The following LHFPL3 variants were observed in gnomAD, a reference collection of about 807,000 sequenced individuals.
LHFPL3 encodes the protein LHFPL tetraspan subfamily member 3 protein.
A neutral mutation model predicts 19.3 loss-of-function variants in LHFPL3; 5 were observed. The observed-to-expected ratio is 0.26, with a 90% CI of 0.14 to 0.54. The LOEUF (loss-of-function observed/expected upper bound fraction) is 0.54, where lower values mean the gene tolerates loss of function less well. Ranked by LOEUF, LHFPL3 falls within the 20% of genes least tolerant of loss-of-function variation. The pLI is 0.94. For synonymous variants in LHFPL3, 133 were observed against 126.2 expected (o/e 1.05, Z -0.36); for missense variants, 249 against 307.4 (o/e 0.81, Z 1.42).
chr7:104,788,685 T>A (rs1003631487), intron 2 of LHFPL3, among the ~76,000 whole-genome samples: 8 of 152,156 alleles, frequency 5.3e-5, no homozygotes, highest in Admixed American at 5.2e-4. Flanking sequence ...GCTGTGAGAA[T>A]TGCTGGAGTC....
Position 104,825,675 on chromosome 7 carries a change from A to C in LHFPL3, c.683-80512A>C, listed in dbSNP as rs536870179. ...TAATGGTAGCAGTTCAGCACTAGAAAGGGGACTTCATTGCATCAAGGATGT... is the reference window on the plus strand; with the variant it reads ...TAATGGTAGCAGTTCAGCACTAGAACGGGGACTTCATTGCATCAAGGATGT... On this transcript the variant is annotated intron_variant, in intron 2 of 2. Coordinates refer to ENST00000424859, the MANE Select transcript of LHFPL3 (RefSeq NM_199000.3). Among the ~76,000 whole-genome samples, 4 of 152,070 alleles carry C rather than the reference A, an allele frequency of 2.6e-5. No homozygotes were observed. The South Asian group carries it at 8.3e-4, about 32-fold the overall frequency.
At chr7:104,353,376 C>A (rs1342402834) in intron 1 of LHFPL3, among the ~76,000 whole-genome samples, 2 of 152,130 alleles carry the variant, frequency 1.3e-5, no homozygotes, top group African/African-American at 4.8e-5. Flanking sequence ...CAAGGGACCA[C>A]AGTTTTCTCA....
chr7:104,609,389 G>A (rs75917047), intron 1 of LHFPL3, among the ~76,000 whole-genome samples: 4,103 of 152,240 alleles, frequency 0.027, 192 homozygotes, highest in African/African-American at 0.094. Context: ...TCTCCTGAAA[G>A]TAGAAAACTT....
chr7:104,618,983 G>A (rs10225413), intron 1 of LHFPL3, among the ~76,000 whole-genome samples: 1 of 152,174 alleles, frequency 6.6e-6, no homozygotes, highest in African/African-American at 2.4e-5. Flanking sequence ...TATCCCCTAC[G>A]TACTAACTGT....
rs368412593 is a variant in LHFPL3, at chr7:104,652,773, G to A, written c.446-83902G>A. Among the ~76,000 whole-genome samples the A allele has an allele frequency of 5.3e-5, 8 of 152,112 alleles. No individual in the cohort carries two copies. The East Asian group carries it at 7.7e-4, about 15-fold the overall frequency. ...AAGGCAGGAAAAACAGATTTTACTC[G>A]GTAACTACTATAGTAGGGAAGAGCG... On this transcript the variant is annotated intron_variant, in intron 1 of 2. Coordinates refer to ENST00000424859, the MANE Select transcript of LHFPL3 (RefSeq NM_199000.3).
intron 1 of LHFPL3, among the ~76,000 whole-genome samples, chr7:104,418,473 A>G (rs929982031): frequency 2.6e-5 from 4 of 152,170 alleles, no homozygotes; most frequent in Non-Finnish European, 4.4e-5. Flanking sequence ...TTGAGGCTGC[A>G]GCAAGCTATG....
intron 1 of LHFPL3, among the ~76,000 whole-genome samples, chr7:104,704,428 A>G (rs1240074904): frequency 6.6e-6 from 1 of 152,036 alleles, no homozygotes; most frequent in Non-Finnish European, 1.5e-5. Flanking sequence ...TTAACCATAC[A>G]TTTTACAGGA....
intron 2 of LHFPL3, among the ~76,000 whole-genome samples, chr7:104,754,235 G>T (rs539428383): frequency 1.3e-5 from 2 of 152,254 alleles, no homozygotes; most frequent in African/African-American, 4.8e-5. Flanking sequence ...ATAAAAAAAA[G>T]AAACAGAATA....
chr7:104,678,953 G>C (rs539615052), intron 1 of LHFPL3, among the ~76,000 whole-genome samples: 1 of 152,270 alleles, frequency 6.6e-6, no homozygotes, highest in Non-Finnish European at 1.5e-5. Flanking sequence ...AAGTAAAAAA[G>C]AATATCTTTC....
At chr7:104,424,730 G>A (rs550533765) in intron 1 of LHFPL3, among the ~76,000 whole-genome samples, 2 of 152,086 alleles carry the variant, frequency 1.3e-5, no homozygotes, top group African/African-American at 2.4e-5. Context: ...GGTGGCTCAC[G>A]CCTGTAATCC....
chr7:104,581,793 C>T (rs1194381672), intron 1 of LHFPL3, among the ~76,000 whole-genome samples: 1 of 151,926 alleles, frequency 6.6e-6, no homozygotes, highest in Non-Finnish European at 1.5e-5. Flanking sequence ...TAAATAACCA[C>T]GTACATGTGG....
rs1246435845 is a variant in LHFPL3 at position 104,399,440 on chromosome 7, T to TC, written c.445+70216_445+70217insC. Among the ~76,000 whole-genome samples, 1 of 150,560 alleles carries TC rather than the reference T, an allele frequency of 6.6e-6. No homozygotes were observed. The highest frequency in any genetic ancestry group is 6.6e-5 in the Admixed American group (1 of 15,200). ...ATGTACTATGTTCTTCTGTTTTTTT[T>TC]TGTTTTTTAGGTTTTTTTTGTTTGT... is the stretch of plus-strand genomic sequence containing the variant. On this transcript the variant is annotated intron_variant, in intron 1 of 2. Transcript: ENST00000424859. The surrounding 1 kb of genome is among the most constrained non-coding windows in gnomAD (Gnocchi z 4.4).
chr7:104,636,259 G>A (rs1402511541), intron 1 of LHFPL3, among the ~76,000 whole-genome samples: 2 of 152,122 alleles, frequency 1.3e-5, no homozygotes, highest in Admixed American at 6.6e-5. Flanking sequence ...AGAAGTATAC[G>A]TATATTATAT....
chr7:104,759,553 T>C (rs1170159060), intron 2 of LHFPL3: 2 of 152,190 alleles, frequency 1.3e-5, no homozygotes, highest in African/African-American at 4.8e-5. Context: ...ACATTTCCAG[T>C]GCTCAATGGT....
intron 1 of LHFPL3, among the ~76,000 whole-genome samples, chr7:104,389,725 G>T (rs2188482): frequency 0.34 from 51,717 of 151,826 alleles, 9,159 homozygotes; most frequent in Admixed American, 0.49. Flanking sequence ...ATAGTTAATT[G>T]ATTTTCAACA....
intron 1 of LHFPL3, among the ~76,000 whole-genome samples, chr7:104,678,771 T>G (rs1337417784): frequency 6.6e-6 from 1 of 152,228 alleles, no homozygotes; most frequent in Non-Finnish European, 1.5e-5. Flanking sequence ...TTCATTACAT[T>G]GCAATTAACT....
At chr7:104,520,467 G>T (rs1054909157) in intron 1 of LHFPL3, among the ~76,000 whole-genome samples, 56 of 147,106 alleles carry the variant, frequency 3.8e-4, no homozygotes, top group Admixed American at 1.5e-3. Context: ...CTCGTAAAAT[G>T]AGTTAGGGAG....
At chr7:104,389,656 A>G (rs1791021480) in intron 1 of LHFPL3, among the ~76,000 whole-genome samples, 1 of 152,222 alleles carries the variant, frequency 6.6e-6, no homozygotes, top group African/African-American at 2.4e-5. Flanking sequence ...TTCTGACATA[A>G]GGATAGACAT....
chr7:104,681,113 C>G (rs377584896), intron 1 of LHFPL3, among the ~76,000 whole-genome samples: 1 of 150,580 alleles, frequency 6.6e-6, no homozygotes, highest in Non-Finnish European at 1.5e-5. Flanking sequence ...GATTGTGCTA[C>G]GTGCTTAACA....
Sources: allele counts gnomAD v4.1 joint callset (sites outside exome capture counted in the v4.1 genomes callset), GRCh38; gene constraint gnomAD v4.1.1; non-coding constraint Gnocchi (gnomAD v3.1); transcripts MANE v1.5; gene names NCBI Gene and HGNC (gene_info 2026-07-23, HGNC 2026-07-21).